The following RGS9 variants were observed in gnomAD, a reference collection of about 807,000 sequenced individuals.
RGS9 encodes regulator of G-protein signalling 9.
RGS9 carries 78 observed loss-of-function variants against 102.0 expected under a neutral mutation model. The ratio of observed to expected loss-of-function variants is 0.76; its 90% CI spans 0.64 to 0.92. The LOEUF (loss-of-function observed/expected upper bound fraction) is 0.92, where lower values mean the gene tolerates loss of function less well. RGS9 is among the 40% of genes least tolerant of loss of function. The probability of loss-of-function intolerance (pLI) is 0.00; values close to 1 mark genes in which losing one functional copy is unlikely to be tolerated. For synonymous variants in RGS9, 353 were observed against 318.6 expected (o/e 1.11, Z -1.15); for missense variants, 833 against 866.1 (o/e 0.96, Z 0.48).
intron 13 of RGS9, among the ~76,000 whole-genome samples, chr17:65,200,598 T>C (rs1046051549): frequency 2.6e-5 from 4 of 152,212 alleles, no homozygotes; most frequent in Admixed American, 2.0e-4. Flanking sequence ...AAGTTCATGC[T>C]GAAAAGGAAG....
chr17:65,200,075 A>T (rs1912768656), intron 13 of RGS9, among the ~76,000 whole-genome samples: 1 of 152,184 alleles, frequency 6.6e-6, no homozygotes, highest in Admixed American at 6.5e-5. Flanking sequence ...TCTGTCGCCC[A>T]GGCTGGAGTG....
intron 17 of RGS9, 91 bp downstream of exon 17, chr17:65,210,696 G>T (rs1301008951): frequency 6.3e-7 from 1 of 1,584,998 alleles, no homozygotes; most frequent in Non-Finnish European, 8.5e-7. Flanking sequence ...TCATGCACTT[G>T]GGAGAGGCAA....
intron 17 of RGS9, among the ~76,000 whole-genome samples, chr17:65,223,420 A>G (rs1046255525): frequency 6.6e-6 from 1 of 152,222 alleles, no homozygotes; most frequent in Non-Finnish European, 1.5e-5. Flanking sequence ...CAAGCCCTCC[A>G]TGCCCTCCTG....
chr17:65,189,370 T>C lies in RGS9; in HGVS notation c.684+55T>C, dbSNP rs1598600923. On this transcript the variant is annotated intron_variant, in intron 10 of 18. Transcript: ENST00000262406. ...TGGTTTTAAATCTTCTAACAGGTTA[T>C]ATGTACTTTGTTTTACCCTCTGCGC... The C allele has an allele frequency of 5.8e-6, 8 of 1,374,218 alleles. No homozygotes were observed. The South Asian group carries it at 7.0e-5, about 12-fold the overall frequency. 85.1% of individuals were successfully genotyped at this position (1,374,218 alleles called of 1,614,324 possible).
At chr17:65,223,752 C>CTTTTTTTTTTTTTTTTTTTTTTTT (rs528795738) in intron 17 of RGS9, among the ~76,000 whole-genome samples, 1 of 137,592 alleles carries the variant, frequency 7.3e-6, no homozygotes, top group Non-Finnish European at 1.6e-5. Context: ...TCATGCCAGG[C>CTTTTTTTTTTTTTTTTTTTTTTTT]TTTTTTTTTT....
chr17:65,138,952 TCCCCAGCCACCCCTCCTCCA>T (rs1910017957), intron 1 of RGS9, among the ~76,000 whole-genome samples: 1 of 21,324 alleles, frequency 4.7e-5, no homozygotes, highest in African/African-American at 1.2e-4. Context: ...TCCCTCCTCC[TCCCCAGCCACCCCTCCTCCA>T]CCCCAGCATC....
intron 9 of RGS9, 138 bp from the exon 10 acceptor site, chr17:65,189,148 A>C: frequency 4.2e-6 from 3 of 710,848 alleles, no homozygotes; most frequent in Non-Finnish European, 7.6e-6. Flanking sequence ...GGCAGTAGAC[A>C]TGGAGAAATC....
intron 9 of RGS9, chr17:65,189,082 T>A (rs1598600550): frequency 3.3e-6 from 2 of 605,082 alleles, no homozygotes; most frequent in African/African-American, 1.9e-5. Flanking sequence ...GCTCCTTCGC[T>A]TACAAAATCT....
intron 7 of RGS9, among the ~76,000 whole-genome samples, chr17:65,165,611 A>G (rs1292097210): frequency 6.6e-6 from 1 of 151,724 alleles, no homozygotes; most frequent in Non-Finnish European, 1.5e-5. Flanking sequence ...TCACTCTCCA[A>G]ACCTCTTCCT....
At chr17:65,146,595 A>G (rs1567858596) in intron 1 of RGS9, among the ~76,000 whole-genome samples, 1 of 148,226 alleles carries the variant, frequency 6.7e-6, no homozygotes, top group East Asian at 2.0e-4. Context: ...AAAAAAAAAA[A>G]AAAGAAAAGA....
intron 13 of RGS9, among the ~76,000 whole-genome samples, chr17:65,201,722 C>A (rs1260904792): frequency 1.3e-5 from 2 of 152,184 alleles, no homozygotes; most frequent in African/African-American, 2.4e-5. Flanking sequence ...TGGTAGGTGC[C>A]AATCTAGTTT....
At chr17:65,141,295 G>C (rs762650735) in intron 1 of RGS9, among the ~76,000 whole-genome samples, 6 of 152,174 alleles carry the variant, frequency 3.9e-5, no homozygotes, top group Non-Finnish European at 8.8e-5. Flanking sequence ...ATGGACTCTT[G>C]TTCTGGGGAT....
rs1910655109 is a variant in RGS9 at position 65,153,421 on chromosome 17, G to T, written c.58-1G>T. On this transcript the variant is annotated splice_acceptor_variant, in intron 1 of 18. Coordinates refer to ENST00000262406, the MANE Select transcript of RGS9 (RefSeq NM_003835.4). LOFTEE classifies it high-confidence loss of function. ...CGGCTTTTTCCTGTTCTGTCTTGCA[G>T]ATTGAAGCGCTCGTGAAGGACATGC... 3 of 1,613,734 alleles carry T rather than the reference G, an allele frequency of 1.9e-6. No individual in the cohort carries two copies. The highest frequency in any genetic ancestry group is 2.5e-6 in the Non-Finnish European group (3 of 1,179,624).
intron 4 of RGS9, 34 bp from the exon 5 acceptor site, chr17:65,160,502 T>G (rs746272252): frequency 6.2e-7 from 1 of 1,613,966 alleles, no homozygotes; most frequent in South Asian, 1.1e-5. Context: ...CACAATCCAG[T>G]TTTAAAGCGT....
intron 6 of RGS9, among the ~76,000 whole-genome samples, chr17:65,162,533 G>C (rs1473922300): frequency 6.6e-6 from 1 of 152,040 alleles, no homozygotes; most frequent in African/African-American, 2.4e-5. Flanking sequence ...CACAATCTTG[G>C]CTCACTGCAA....
chr17:65,147,711 C>T (rs185469404), intron 1 of RGS9, among the ~76,000 whole-genome samples: 282 of 151,012 alleles, frequency 1.9e-3, no homozygotes, highest in African/African-American at 6.3e-3. Context: ...CTGCCTCAGC[C>T]TCCTGAGTAG....
At chr17:65,223,013 C>G (rs1905427552) in intron 17 of RGS9, among the ~76,000 whole-genome samples, 1 of 152,100 alleles carries the variant, frequency 6.6e-6, no homozygotes, top group Non-Finnish European at 1.5e-5. Flanking sequence ...CAGGGTGTCC[C>G]TGGAGGAATG....
intron 8 of RGS9, among the ~76,000 whole-genome samples, chr17:65,171,805 T>C (rs1178482710): frequency 6.6e-6 from 1 of 152,238 alleles, no homozygotes; most frequent in Non-Finnish European, 1.5e-5. Flanking sequence ...TGGAACCAAG[T>C]ACAGATCTGA....
chr17:65,160,160 T>C, intron 3 of RGS9, 73 bp from the exon 4 acceptor site: 1 of 1,154,730 alleles, frequency 8.7e-7, no homozygotes, highest in South Asian at 1.2e-5. Context: ...GAGTTTGGGG[T>C]GCCGTGGGGG....
Sources: allele counts gnomAD v4.1 joint callset (sites outside exome capture counted in the v4.1 genomes callset), GRCh38; gene constraint gnomAD v4.1.1; transcripts MANE v1.5; gene names NCBI Gene and HGNC (gene_info 2026-07-23, HGNC 2026-07-21).